The following LPIN1 variants were observed in gnomAD, a reference collection of about 807,000 sequenced individuals.
The protein encoded by LPIN1 is lipin 1.
In LPIN1, 71 loss-of-function variants were observed where a neutral mutation model predicts 107.5. The ratio of observed to expected loss-of-function variants is 0.66; its 90% CI spans 0.55 to 0.80. The LOEUF (loss-of-function observed/expected upper bound fraction) is 0.80, where lower values mean the gene tolerates loss of function less well. Ranked by LOEUF, LPIN1 falls within the 30% of genes least tolerant of loss-of-function variation. The pLI is 0.00. For missense variants in LPIN1, 1,043 were observed against 1,160.6 expected (o/e 0.90, Z 1.47); for synonymous variants, 445 against 452.6 (o/e 0.98, Z 0.21).
intron 15 of LPIN1, 130 bp from the exon 16 acceptor site, chr2:11,804,293 T>A: frequency 1.0e-6 from 1 of 976,868 alleles, no homozygotes; most frequent in Non-Finnish European, 1.6e-6. Flanking sequence ...AAAGAAAGAA[T>A]TATACAAGGG....
rs115413374 is a variant in LPIN1 at position 11,753,036 on chromosome 2, T to C, written c.-10+6365T>C. On this transcript the variant is annotated intron_variant, in intron 1 of 20. Coordinates refer to ENST00000674199, the MANE Select transcript of LPIN1 (RefSeq NM_001349206.2). ...CGTGAATGCTTTGGAGCGTCTGCTGTGTGCTGGAGTTCTACAGATGAGCTT... is the reference window on the plus strand; with the variant it reads ...CGTGAATGCTTTGGAGCGTCTGCTGCGTGCTGGAGTTCTACAGATGAGCTT... 6.5e-3 allele frequency among the ~76,000 whole-genome samples: 985 copies of C among 152,262 alleles called. 8 individuals carry two copies. Among genetic ancestry groups the C allele is most frequent in the African/African-American group, 0.021 (857 of 41,542 alleles).
chr2:11,791,777 G>A lies in LPIN1; in HGVS notation c.1714-137G>A, dbSNP rs538188237. ...GTTTTGCTTCTCTAAAATTTTTAAC[G>A]CACAAATAGTATGTTGTGTTTTCTC... On this transcript the variant is annotated intron_variant, in intron 12 of 20. Transcript: ENST00000674199. 3.1e-4 allele frequency: 463 copies of A among 1,472,014 alleles called. No homozygotes were observed. In the African/African-American group the frequency reaches 5.7e-3, roughly 18 times the overall value. The allele number at this position is 1,472,014 out of a possible 1,614,324, so 91.2% of individuals were successfully genotyped here. A position where few individuals can be genotyped will look rare whatever the true frequency, so the allele number is the denominator to read the frequency against.
At chr2:11,817,331 T>G (rs1680743788) in intron 18 of LPIN1, 1 of 152,224 alleles carries the variant, frequency 6.6e-6, no homozygotes, top group South Asian at 2.1e-4. Context: ...TGGTGATCAC[T>G]TAGCCTTTGT....
At chr2:11,754,462 C>T (rs1432323043) in intron 1 of LPIN1, among the ~76,000 whole-genome samples, 5 of 152,182 alleles carry the variant, frequency 3.3e-5, no homozygotes, top group African/African-American at 7.2e-5. Context: ...GAGGGTGTTT[C>T]GGCCTTTCTA....
chr2:11,768,753 G>A lies in LPIN1; in HGVS notation c.288+895G>A, dbSNP rs191558245. On this transcript the variant is annotated intron_variant, in intron 3 of 20. Coordinates refer to ENST00000674199, the MANE Select transcript of LPIN1 (RefSeq NM_001349206.2). ...AGATAGAGACCATCCTGGCTAAGAC[G>A]GTGAAACCCCATCCCTACTAAAAAT... 2.6e-5 allele frequency among the ~76,000 whole-genome samples: 4 copies of A among 152,130 alleles called. No homozygotes were observed. In the South Asian group the frequency reaches 8.3e-4, roughly 32 times the overall value.
At chr2:11,809,098 A>G (rs1355625782) in intron 17 of LPIN1, among the ~76,000 whole-genome samples, 1 of 152,084 alleles carries the variant, frequency 6.6e-6, no homozygotes, top group Non-Finnish European at 1.5e-5. Context: ...ACAAATGCAA[A>G]TGGAAGATAC....
intron 1 of LPIN1, among the ~76,000 whole-genome samples, chr2:11,749,677 C>T (rs1667493313): frequency 6.6e-6 from 1 of 152,202 alleles, no homozygotes; most frequent in Admixed American, 6.5e-5. Flanking sequence ...AGTGTCTGGC[C>T]CACAGGCTGT....
chr2:11,784,913 TGCAA>T lies in LPIN1; in HGVS notation c.1389_1392del (p.Ser464ThrfsTer30). On this transcript the variant is annotated frameshift_variant, in exon 10 of 21. Transcript: ENST00000674199. LOFTEE classifies it high-confidence loss of function. ...GAGATCCTTCCGGACTCGCAAAACA[TGCAA>T]GCGACAACGGAGCCCGGTCAGCCAA... 6.2e-7 allele frequency: 1 copy of T among 1,613,842 alleles called. No homozygotes were observed. The highest frequency in any genetic ancestry group is 8.5e-7 in the Non-Finnish European group (1 of 1,179,978).
exon 1 of LPIN1, chr2:11,724,340 G>C: frequency 1.0e-6 from 1 of 985,982 alleles, no homozygotes. Context: ...CCATGCGCAG[G>C]GCATGGATGA....
chr2:11,799,522 C>G (rs942523766), intron 14 of LPIN1, among the ~76,000 whole-genome samples: 1 of 151,836 alleles, frequency 6.6e-6, no homozygotes, highest in Non-Finnish European at 1.5e-5. Context: ...AGCTCCAGGA[C>G]CACATTTACC....
chr2:11,748,831 C>G (rs1412122015), intron 1 of LPIN1, among the ~76,000 whole-genome samples: 3 of 152,160 alleles, frequency 2.0e-5, no homozygotes, highest in African/African-American at 7.2e-5. Context: ...TGGGAGGGGG[C>G]TGTTGCACGG....
intron 19 of LPIN1, 85 bp from the exon 20 acceptor site, chr2:11,820,324 ATC>A (rs986015120): frequency 2.4e-6 from 2 of 823,656 alleles, no homozygotes; most frequent in African/African-American, 3.4e-5. Flanking sequence ...AAAATTTGAT[ATC>A]TCATCAAATC....
At position 11,765,836 on chromosome 2, in the gene LPIN1, G is replaced by A; in HGVS notation, c.192+103G>A. 13 of 1,004,354 alleles carry A rather than the reference G, an allele frequency of 1.3e-5. No homozygotes were observed. The highest frequency in any genetic ancestry group is 1.7e-5 in the Non-Finnish European group (12 of 687,980). 62.2% of individuals were successfully genotyped at this position (1,004,354 alleles called of 1,614,324 possible). A position where few individuals can be genotyped will look rare whatever the true frequency, so the allele number is the denominator to read the frequency against. On this transcript the variant is annotated intron_variant, in intron 2 of 20. Coordinates refer to ENST00000674199, the MANE Select transcript of LPIN1 (RefSeq NM_001349206.2). The surrounding 1 kb of genome is among the most constrained non-coding windows in gnomAD (Gnocchi z 4.4). ...TTGAACTCTCAGACCCAGAGTTTTA[G>A]GTCTTCGTTGGAAATGGCCAGTCAC...
chr2:11,824,005 T>A (rs1682010692), intron 20 of LPIN1, among the ~76,000 whole-genome samples: 1 of 152,196 alleles, frequency 6.6e-6, no homozygotes, highest in Non-Finnish European at 1.5e-5. Flanking sequence ...GTCATTTAGA[T>A]ACATTTGAGC....
intron 1 of LPIN1, among the ~76,000 whole-genome samples, chr2:11,709,748 C>T (rs1663314220): frequency 6.6e-6 from 1 of 152,252 alleles, no homozygotes; most frequent in Non-Finnish European, 1.5e-5. Context: ...GAGCAGCCCA[C>T]GACTTTGAGC....
intron 1 of LPIN1, among the ~76,000 whole-genome samples, chr2:11,740,095 G>T (rs1194455641): frequency 6.6e-6 from 1 of 152,216 alleles, no homozygotes; most frequent in Admixed American, 6.5e-5. Flanking sequence ...GGCCATCGGT[G>T]CAGGTCCTGG....
chr2:11,816,044 C>T (rs1378684905), intron 18 of LPIN1: 1 of 152,196 alleles, frequency 6.6e-6, no homozygotes, highest in African/African-American at 2.4e-5. Context: ...ATGTCATTGA[C>T]GTGATTCTGC....
At chr2:11,725,057 C>A (rs576393740) in intron 1 of LPIN1, among the ~76,000 whole-genome samples, 3 of 152,114 alleles carry the variant, frequency 2.0e-5, no homozygotes, top group South Asian at 2.1e-4. Context: ...GTCAGGAGAT[C>A]GAGACCATCC....
chr2:11,766,668 A>G (rs1307483397), intron 2 of LPIN1, among the ~76,000 whole-genome samples: 1 of 152,194 alleles, frequency 6.6e-6, no homozygotes, highest in Non-Finnish European at 1.5e-5. Context: ...TCTGGTGTCT[A>G]ACATCAAAGG....
Sources: allele counts gnomAD v4.1 joint callset (sites outside exome capture counted in the v4.1 genomes callset), GRCh38; gene constraint gnomAD v4.1.1; non-coding constraint Gnocchi (gnomAD v3.1); transcripts MANE v1.5; gene names NCBI Gene and HGNC (gene_info 2026-07-23, HGNC 2026-07-21).